The following SLC4A3 variants were observed in gnomAD, a reference collection of about 807,000 sequenced individuals.
SLC4A3 encodes anion exchange protein 3.
In SLC4A3, 47 loss-of-function variants were observed where a neutral mutation model predicts 114.2. That is an observed-to-expected ratio of 0.41 (90% CI 0.33 to 0.52). The LOEUF (loss-of-function observed/expected upper bound fraction) is 0.52. SLC4A3 is among the 20% of genes least tolerant of loss of function. The probability of loss-of-function intolerance (pLI) is 0.21; values close to 1 mark genes in which losing one functional copy is unlikely to be tolerated. For synonymous variants in SLC4A3, 693 were observed against 710.3 expected, an observed-to-expected ratio of 0.98 and a Z score of 0.39; for missense variants, 1,312 against 1,668.3, an observed-to-expected ratio of 0.79 and a Z score of 3.72.
At position 219,627,695 on chromosome 2, in the gene SLC4A3, G is replaced by T. The variant is rs1698762065; in HGVS notation, c.-144G>T. On this transcript the variant is annotated 5_prime_UTR_variant, in exon 1 of 23. Coordinates refer to ENST00000358055, the MANE Select transcript of SLC4A3 (RefSeq NM_005070.4). ...GCTGCGCTCGGGAGAGAGCGCGGGG[G>T]ACATGGGGCGCGGCGGCCCGCCTGG... is the stretch of plus-strand genomic sequence containing the variant. The T allele has an allele frequency of 4.8e-6, 1 of 207,284 alleles. No homozygotes were observed. The highest frequency in any genetic ancestry group is 1.7e-4 in the South Asian group (1 of 5,876). The allele number at this position is 207,284 out of a possible 1,614,324, so 12.8% of individuals were successfully genotyped here. A position where few individuals can be genotyped will look rare whatever the true frequency, so the allele number is the denominator to read the frequency against.
In SLC4A3 at chr2:219,630,118, C is replaced by T. The variant is rs1397126989; in HGVS notation, c.612-35C>T. The T allele has an allele frequency of 1.9e-6, 3 of 1,610,014 alleles. No individual in the cohort carries two copies. Among genetic ancestry groups the T allele is most frequent in the Non-Finnish European group, 2.5e-6 (3 of 1,177,856 alleles). ...CGGTGATGGAACCACCGACCTGGCC[C>T]TGTCAAGTCCAAGGCTGCTGTGTTG... On this transcript the variant is annotated intron_variant, in intron 5 of 22. Coordinates refer to ENST00000358055, the MANE Select transcript of SLC4A3 (RefSeq NM_005070.4). The surrounding 1 kb of genome is among the most constrained non-coding windows in gnomAD (Gnocchi z 6.9).
In SLC4A3 at chr2:219,629,284, TCCGAGGGGACCCCTC is replaced by T; in HGVS notation, c.361_375del (p.Glu121_Pro125del). ...GAAGGAGAAAACCTCTGCTCCTCCCTCCGAGGGGACCCCTCCCATCCAGGAGGAGGGGGGAGCTGG... is the reference window on the plus strand; with the variant it reads ...GAAGGAGAAAACCTCTGCTCCTCCCTCCATCCAGGAGGAGGGGGGAGCTGG... On this transcript the variant is annotated inframe_deletion, in exon 4 of 23. Transcript: ENST00000358055. The T allele has an allele frequency of 6.2e-7, 1 of 1,613,546 alleles. No individual in the cohort carries two copies. Among genetic ancestry groups the T allele is most frequent in the Non-Finnish European group, 8.5e-7 (1 of 1,179,840 alleles).
At position 219,628,607 on chromosome 2, in the gene SLC4A3, G is replaced by T. The variant is rs575599849; in HGVS notation, c.217+37G>T. 5.0e-6 allele frequency: 8 copies of T among 1,601,528 alleles called. No individual in the cohort carries two copies. In the East Asian group the frequency reaches 1.8e-4, roughly 36 times the overall value. ...GGGGACCCCTAGTGCGGCCGCCCTCGCCACCATCACCTTCATCGCCACCAT... is the reference window on the plus strand; with the variant it reads ...GGGGACCCCTAGTGCGGCCGCCCTCTCCACCATCACCTTCATCGCCACCAT... On this transcript the variant is annotated intron_variant, in intron 3 of 22. Transcript: ENST00000358055. The surrounding 1 kb of genome is among the most constrained non-coding windows in gnomAD (Gnocchi z 4.8).
Position 219,630,408 on chromosome 2 carries a change from C to CA in SLC4A3, c.811+56_811+57insA. The CA allele has an allele frequency of 6.5e-7, 1 of 1,526,872 alleles. No individual in the cohort carries two copies. The highest frequency in any genetic ancestry group is 8.8e-7 in the Non-Finnish European group (1 of 1,133,820). 94.6% of individuals were successfully genotyped at this position (1,526,872 alleles called of 1,614,324 possible). Reference sequence around the variant, plus strand: ...TCCACTGCGACGGACTCCCAGCCTGCGAGTGACCTTGGAGAGGCTCTGAGC... The same window carrying CA: ...TCCACTGCGACGGACTCCCAGCCTGCAGAGTGACCTTGGAGAGGCTCTGAGC... On this transcript the variant is annotated intron_variant, in intron 6 of 22. Coordinates refer to ENST00000358055, the MANE Select transcript of SLC4A3 (RefSeq NM_005070.4). The surrounding 1 kb of genome is among the most constrained non-coding windows in gnomAD (Gnocchi z 6.9).
At position 219,641,634 on chromosome 2, in the gene SLC4A3, T is replaced by C; in HGVS notation, c.3622-17T>C. On this transcript the variant is annotated splice_polypyrimidine_tract_variant and intron_variant, in intron 22 of 22. Transcript: ENST00000358055. The surrounding 1 kb of genome is among the most constrained non-coding windows in gnomAD (Gnocchi z 4.0). ...GCATGCTTCCCTGCCTTCCCCAACC[T>C]TCTGTTCCCTCTGCAGCTGGACTCG... 2 of 1,610,880 alleles carry C rather than the reference T, an allele frequency of 1.2e-6. No individual in the cohort carries two copies. Among genetic ancestry groups the C allele is most frequent in the Non-Finnish European group, 8.5e-7 (1 of 1,177,052 alleles).
Position 219,631,765 on chromosome 2 carries a change from A to G in SLC4A3, c.812-203A>G, listed in dbSNP as rs1698931274. Among the ~76,000 whole-genome samples the G allele has an allele frequency of 1.3e-5, 2 of 151,776 alleles. No individual in the cohort carries two copies. The highest frequency in any genetic ancestry group is 4.2e-4 in the South Asian group (2 of 4,810). Reference sequence around the variant, plus strand: ...GCATCTTGGCCGGTGGTCCCAGGTGACCATGGGGAGGTCCTTCCCTCTTTC... The same window carrying G: ...GCATCTTGGCCGGTGGTCCCAGGTGGCCATGGGGAGGTCCTTCCCTCTTTC... On this transcript the variant is annotated intron_variant, in intron 6 of 22. Transcript: ENST00000358055. This position sits in a 1 kb window ranked among gnomAD's most constrained non-coding sequence, Gnocchi z 6.3.
Position 219,629,269 on chromosome 2 carries a change from A to G in SLC4A3, c.343A>G (p.Thr115Ala). 1 of 1,613,622 alleles carries G rather than the reference A, an allele frequency of 6.2e-7. No homozygotes were observed. The highest frequency in any genetic ancestry group is 8.5e-7 in the Non-Finnish European group (1 of 1,179,856). Residue 115 changes from threonine to alanine, a missense_variant, in exon 4 of 23, where the codon ACC (threonine) becomes GCC (alanine). Thr to Ala is a moderately conservative substitution (Grantham distance 58, BLOSUM62 0). Coordinates refer to ENST00000358055, the MANE Select transcript of SLC4A3 (RefSeq NM_005070.4). The part of the protein sequence containing the change: ...HTRRKRKKEK[T>A]SAPPSEGTPP... ...CAGGAGAAAGAGGAAGAAGGAGAAA[A>G]CCTCTGCTCCTCCCTCCGAGGGGAC... is the stretch of plus-strand genomic sequence containing the variant.
Position 219,637,628 on chromosome 2 carries a change from C to T in SLC4A3, c.2583C>T (p.Ala861=). ...TGCCGTTCTACCCCCCTGAGGGGGC[C>T]CTGGAGGGGTCCCTGGATGCTGGTC... ...PLLPFYPPEG[A]LEGSLDAGLE... The change falls in exon 17 of 23, where the codon GCC becomes GCT. Residue 861 remains alanine, a synonymous_variant. Coordinates refer to ENST00000358055, the MANE Select transcript of SLC4A3 (RefSeq NM_005070.4). This position sits in a 1 kb window ranked among gnomAD's most constrained non-coding sequence, Gnocchi z 4.6. 1.2e-6 allele frequency: 2 copies of T among 1,612,758 alleles called. No individual in the cohort carries two copies. The highest frequency in any genetic ancestry group is 1.7e-6 in the Non-Finnish European group (2 of 1,178,998).
In SLC4A3 at chr2:219,638,802, A is replaced by G. The variant is rs1174511552; in HGVS notation, c.2956A>G (p.Met986Val). ...GSARPFPPWM[M>V]VAAAVPALLV... ...TGCCCGTCCTTTCCCGCCGTGGATG[A>G]TGGTGGCAGCCGCTGTTCCCGCCCT... is the stretch of plus-strand genomic sequence containing the variant. Residue 986 changes from methionine to valine, a missense_variant, in exon 19 of 23, where the codon ATG (methionine) becomes GTG (valine). By Grantham distance (21) the Met-to-Val change is conservative. Transcript: ENST00000358055. The surrounding 1 kb of genome is among the most constrained non-coding windows in gnomAD (Gnocchi z 7.5). 3 of 1,614,000 alleles carry G rather than the reference A, an allele frequency of 1.9e-6. No homozygotes were observed. Among genetic ancestry groups the G allele is most frequent in the Non-Finnish European group, 2.5e-6 (3 of 1,180,038 alleles).
Position 219,629,429 on chromosome 2 carries a change from C to T in SLC4A3, c.495+8C>T, listed in dbSNP as rs372108403. The stretch of plus-strand genomic sequence containing the variant: ...ACCCCACAGAAGGCAAAGGTAGGGG[C>T]TTCCCTTTGGAGGGGTGGCAGGTCA... On this transcript the variant is annotated splice_region_variant and intron_variant, in intron 4 of 22. Coordinates refer to ENST00000358055, the MANE Select transcript of SLC4A3 (RefSeq NM_005070.4). 3.6e-5 allele frequency: 57 copies of T among 1,592,382 alleles called. No individual in the cohort carries two copies. In the East Asian group the frequency reaches 1.0e-3, roughly 28 times the overall value.
At position 219,639,503 on chromosome 2, in the gene SLC4A3, G is replaced by T; in HGVS notation, c.3045G>T (p.Ala1015=). The stretch of plus-strand genomic sequence containing the variant: ...GCAGGCTTATCGTCAGCCAGAAGGC[G>T]CGGAGGCTGCTCAAGGGCTCCGGTT... ...QITALIVSQK[A]RRLLKGSGFH... The change falls in exon 20 of 23, where the codon GCG becomes GCT. Residue 1015 remains alanine, a synonymous_variant. Coordinates refer to ENST00000358055, the MANE Select transcript of SLC4A3 (RefSeq NM_005070.4). This position sits in a 1 kb window ranked among gnomAD's most constrained non-coding sequence, Gnocchi z 5.9. The T allele has an allele frequency of 6.2e-7, 1 of 1,613,642 alleles. No homozygotes were observed. The highest frequency in any genetic ancestry group is 8.5e-7 in the Non-Finnish European group (1 of 1,180,012).
chr2:219,638,809 C>T lies in SLC4A3; in HGVS notation c.2963C>T (p.Ala988Val), dbSNP rs779488601. Residue 988 changes from alanine (A) to valine (V), a missense_variant, in exon 19 of 23, where the codon GCA becomes GTA. Ala to Val is a moderately conservative substitution (Grantham distance 64, BLOSUM62 0). Around this residue, in one of 4 missense-constraint regions of SLC4A3, gnomAD observed 301 missense variants for 460.7 expected, o/e 0.65. Transcript: ENST00000358055. This position sits in a 1 kb window ranked among gnomAD's most constrained non-coding sequence, Gnocchi z 7.5. Reference protein sequence around the residue: ...ARPFPPWMMVAAAVPALLVLI... With the variant: ...ARPFPPWMMVVAAVPALLVLI... ...CCTTTCCCGCCGTGGATGATGGTGG[C>T]AGCCGCTGTTCCCGCCCTCCTCGTC... is the stretch of plus-strand genomic sequence containing the variant. 1 of 1,614,222 alleles carries T rather than the reference C, an allele frequency of 6.2e-7. No individual in the cohort carries two copies. Among genetic ancestry groups the T allele is most frequent in the Admixed American group, 1.7e-5 (1 of 60,030 alleles).
chr2:219,628,587 C>A lies in SLC4A3; in HGVS notation c.217+17C>A, dbSNP rs1698802669. The A allele has an allele frequency of 6.2e-7, 1 of 1,609,412 alleles. No individual in the cohort carries two copies. Among genetic ancestry groups the A allele is most frequent in the Non-Finnish European group, 8.5e-7 (1 of 1,178,754 alleles). On this transcript the variant is annotated intron_variant, in intron 3 of 22. Coordinates refer to ENST00000358055, the MANE Select transcript of SLC4A3 (RefSeq NM_005070.4). This position sits in a 1 kb window ranked among gnomAD's most constrained non-coding sequence, Gnocchi z 4.8. ...ACTTTGAGTGTGGGTAGCCTGGGGACCCCTAGTGCGGCCGCCCTCGCCACC... is the reference window on the plus strand; with the variant it reads ...ACTTTGAGTGTGGGTAGCCTGGGGAACCCTAGTGCGGCCGCCCTCGCCACC...
At position 219,637,734 on chromosome 2, in the gene SLC4A3, C is replaced by T; in HGVS notation, c.2689C>T (p.Leu897Phe). The part of the protein sequence containing the change: ...RNQPNTALLS[L>F]ILMLGTFFIA... ...CCAGCCCAATACGGCACTGCTCTCA[C>T]TCATCCTCATGCTCGGGACCTTCTT... The change falls in exon 17 of 23, where the codon CTC becomes TTC. Residue 897 changes from leucine to phenylalanine, a missense_variant. By Grantham distance (22) the Leu-to-Phe change is conservative. This residue lies in a region of SLC4A3 where 301 missense variants were observed against 460.7 expected (regional missense o/e 0.65). Transcript: ENST00000358055. The surrounding 1 kb of genome is among the most constrained non-coding windows in gnomAD (Gnocchi z 4.6). 8 of 1,613,974 alleles carry T rather than the reference C, an allele frequency of 5.0e-6. 1 individual carries two copies. The highest frequency in any genetic ancestry group is 5.9e-6 in the Non-Finnish European group (7 of 1,179,902).
In SLC4A3 at chr2:219,641,864, T is replaced by A; in HGVS notation, c.*136T>A. The A allele has an allele frequency of 1.5e-6, 1 of 678,256 alleles. No homozygotes were observed. Among genetic ancestry groups the A allele is most frequent in the Non-Finnish European group, 2.6e-6 (1 of 390,284 alleles). 42.0% of individuals were successfully genotyped at this position (678,256 alleles called of 1,614,324 possible). ...CTGGAACCACTCCTGATGCCATGGC[T>A]AGAGTGGCCCCCCTGACTTCTGCCC... On this transcript the variant is annotated 3_prime_UTR_variant, in exon 23 of 23. Transcript: ENST00000358055. This position sits in a 1 kb window ranked among gnomAD's most constrained non-coding sequence, Gnocchi z 4.0.
At chr2:219,640,689 GA>G (rs2106207081) in intron 21 of SLC4A3, 90 bp downstream of exon 21, 1 of 1,570,694 alleles carries the variant, frequency 6.4e-7, no homozygotes, top group East Asian at 2.3e-5. Context: ...GGATGAATAT[GA>G]AGGAGAAGCT....
Position 219,641,809 on chromosome 2 carries a change from TGGGGGG to T in SLC4A3, c.*82_*87del. The T allele has an allele frequency of 1.7e-6, 2 of 1,201,928 alleles. No homozygotes were observed. Among genetic ancestry groups the T allele is most frequent in the Non-Finnish European group, 2.5e-6 (2 of 813,730 alleles). The allele number at this position is 1,201,928 out of a possible 1,614,324, so 74.5% of individuals were successfully genotyped here. A position where few individuals can be genotyped will look rare whatever the true frequency, so the allele number is the denominator to read the frequency against. On this transcript the variant is annotated 3_prime_UTR_variant, in exon 23 of 23. Coordinates refer to ENST00000358055, the MANE Select transcript of SLC4A3 (RefSeq NM_005070.4). This position sits in a 1 kb window ranked among gnomAD's most constrained non-coding sequence, Gnocchi z 4.0. ...CCTCAGGCAGAGCCCAGCCCTGGGC[TGGGGGG>T]CTCCTCAGGACCCAGAGATGTGCCT...
intron 12 of SLC4A3, 121 bp from the exon 13 acceptor site, chr2:219,635,150 A>C (rs866002034): frequency 8.2e-6 from 6 of 728,030 alleles, no homozygotes; most frequent in Middle Eastern, 3.3e-4. Context: ...GGACTGGCCC[A>C]GTATCTACGA....
chr2:219,631,843 C>G lies in SLC4A3; in HGVS notation c.812-125C>G. On this transcript the variant is annotated intron_variant, in intron 6 of 22. Transcript: ENST00000358055. The surrounding 1 kb of genome is among the most constrained non-coding windows in gnomAD (Gnocchi z 6.3). The stretch of plus-strand genomic sequence containing the variant: ...TGGCCACATGGGATTATGTGGTTCC[C>G]GTCGGCATGGCCTGTTGGTGACTGT... The G allele has an allele frequency of 9.4e-7, 1 of 1,060,838 alleles. No individual in the cohort carries two copies. The highest frequency in any genetic ancestry group is 1.4e-6 in the Non-Finnish European group (1 of 726,022). 65.7% of individuals were successfully genotyped at this position (1,060,838 alleles called of 1,614,324 possible).
Sources: gnomAD v4.1 joint callset for allele counts (sites outside exome capture counted in the v4.1 genomes callset) on GRCh38, gnomAD v4.1.1 for gene constraint, gnomAD v4.1.1 regional missense constraint, Gnocchi (gnomAD v3.1) non-coding constraint, MANE v1.5 for transcripts, NCBI Gene and HGNC (gene_info 2026-07-23, HGNC 2026-07-21) for gene names.